MAGI3: variants seen among roughly 807,000 people sequenced by gnomAD.
MAGI3 encodes the protein membrane associated guanylate kinase, WW and PDZ domain containing 3.
MAGI3 carries 43 observed loss-of-function variants against 121.8 expected under a neutral mutation model. The ratio of observed to expected loss-of-function variants is 0.35; its 90% confidence interval spans 0.28 to 0.46. The LOEUF is 0.46. MAGI3 is among the 20% of genes least tolerant of loss of function. The pLI, the probability that MAGI3 is intolerant of heterozygous loss-of-function variation, is 1.00. For synonymous variants in MAGI3, 553 were observed against 639.3 expected (o/e 0.86, Z 2.04); for missense variants, 1,547 against 1,797.3 (o/e 0.86, Z 2.52).
intron 1 of MAGI3, among the ~76,000 whole-genome samples, chr1:113,392,149 C>A (rs1650859722): frequency 6.6e-6 from 1 of 152,216 alleles, no homozygotes; most frequent in South Asian, 2.1e-4. Context: ...AGTTTCAAAG[C>A]ATTGATCAGA....
intron 1 of MAGI3, among the ~76,000 whole-genome samples, chr1:113,447,821 C>T (rs993675827): frequency 2.6e-5 from 4 of 151,856 alleles, no homozygotes; most frequent in African/African-American, 4.8e-5. Flanking sequence ...CGCCACTGCA[C>T]TCCAGCCTGG....
chr1:113,681,670 C>T (rs1331689634), intron 20 of MAGI3, among the ~76,000 whole-genome samples: 1 of 152,134 alleles, frequency 6.6e-6, no homozygotes, highest in African/African-American at 2.4e-5. Flanking sequence ...TTCAAAATAT[C>T]CCAGCTTTTT....
intron 1 of MAGI3, among the ~76,000 whole-genome samples, chr1:113,453,407 TTTGAGA>T (rs1025220068): frequency 1.6e-4 from 25 of 152,168 alleles, no homozygotes; most frequent in Non-Finnish European, 3.5e-4. Context: ...TTTCTAACAT[TTTGAGA>T]TTTACCTTTC....
chr1:113,560,319 T>C (rs1028102571), intron 2 of MAGI3, among the ~76,000 whole-genome samples: 8 of 151,922 alleles, frequency 5.3e-5, no homozygotes, highest in Admixed American at 1.3e-4. Flanking sequence ...GAGGTTGCAG[T>C]GAGCTGAGAT....
At chr1:113,615,573 C>G (rs1221885089) in intron 7 of MAGI3, among the ~76,000 whole-genome samples, 1 of 152,202 alleles carries the variant, frequency 6.6e-6, no homozygotes, top group Admixed American at 6.5e-5. Flanking sequence ...GTAAGTATCT[C>G]TGACTCCTGT....
At chr1:113,655,631 C>T (rs1402069808) in intron 15 of MAGI3, among the ~76,000 whole-genome samples, 1 of 152,052 alleles carries the variant, frequency 6.6e-6, no homozygotes, top group Admixed American at 6.6e-5. Flanking sequence ...TATGGAGATA[C>T]TTCATCTCTT....
chr1:113,623,803 T>A (rs1318500555), intron 9 of MAGI3, among the ~76,000 whole-genome samples: 2 of 140,320 alleles, frequency 1.4e-5, no homozygotes, highest in Non-Finnish European at 3.3e-5. Flanking sequence ...TAGCTATATA[T>A]TTTTTATATT....
intron 1 of MAGI3, among the ~76,000 whole-genome samples, chr1:113,410,705 G>A (rs1306411307): frequency 1.3e-5 from 2 of 151,910 alleles, no homozygotes; most frequent in Non-Finnish European, 2.9e-5. Context: ...TTGCTGGATT[G>A]TTAACTATAC....
chr1:113,420,428 T>C (rs889050736), intron 1 of MAGI3, among the ~76,000 whole-genome samples: 2 of 152,342 alleles, frequency 1.3e-5, no homozygotes, highest in Non-Finnish European at 2.9e-5. Context: ...AAACAAGGGC[T>C]GTAGATTTAG....
At chr1:113,590,145 G>A (rs757204527) in intron 4 of MAGI3, among the ~76,000 whole-genome samples, 7 of 151,994 alleles carry the variant, frequency 4.6e-5, no homozygotes, top group Non-Finnish European at 7.4e-5. Flanking sequence ...TTAACATACA[G>A]AAAGCACTTA....
intron 5 of MAGI3, among the ~76,000 whole-genome samples, chr1:113,594,060 A>T (rs1342277267): frequency 6.6e-6 from 1 of 152,226 alleles, no homozygotes; most frequent in Admixed American, 6.5e-5. Context: ...TACGTATCAC[A>T]GGCACACAAG....
intron 9 of MAGI3, among the ~76,000 whole-genome samples, chr1:113,633,456 T>A (rs1570970280): frequency 6.6e-6 from 1 of 150,870 alleles, no homozygotes; most frequent in Non-Finnish European, 1.5e-5. Context: ...AGAGACGGGG[T>A]TTCACCGTTT....
intron 6 of MAGI3, among the ~76,000 whole-genome samples, chr1:113,612,925 C>G (rs1650245844): frequency 6.6e-6 from 1 of 152,120 alleles, no homozygotes; most frequent in Admixed American, 6.5e-5. Context: ...CCAAACTTCT[C>G]TAAAGACAAA....
chr1:113,641,964 G>A lies in MAGI3; in HGVS notation c.1414G>A (p.Asp472Asn). The stretch of plus-strand genomic sequence containing the variant: ...CTGTGTCCTCGGTCACACTCATGCA[G>A]ATGTTGTCCAGATGTTTCAATTGGT... ...GNCVLGHTHA[D>N]VVQMFQLVPV... The change falls in exon 10 of 21, where the codon GAT (aspartate) becomes AAT (asparagine). Residue 472 changes from aspartate to asparagine, a missense_variant. Coordinates refer to ENST00000307546, the MANE Select transcript of MAGI3 (RefSeq NM_001142782.2). 4 of 1,612,040 alleles carry A rather than the reference G, an allele frequency of 2.5e-6. No homozygotes were observed. Among genetic ancestry groups the A allele is most frequent in the Non-Finnish European group, 3.4e-6 (4 of 1,178,232 alleles).
rs554227400 is a variant in MAGI3 at position 113,535,034 on chromosome 1, A to G, written c.317-14481A>G. ...GTATTCATTTCAGTAACCAAATTACAGGCTTAAGTCAACCAGGACTGACTT... is the reference window on the plus strand; with the variant it reads ...GTATTCATTTCAGTAACCAAATTACGGGCTTAAGTCAACCAGGACTGACTT... On this transcript the variant is annotated intron_variant, in intron 1 of 20. Coordinates refer to ENST00000307546, the MANE Select transcript of MAGI3 (RefSeq NM_001142782.2). 3.3e-5 allele frequency among the ~76,000 whole-genome samples: 5 copies of G among 152,298 alleles called. No individual in the cohort carries two copies. In the South Asian group the frequency reaches 1.0e-3, roughly 32 times the overall value.
In MAGI3 at chr1:113,410,091, C is replaced by G. The variant is rs571111224; in HGVS notation, c.316+18742C>G. On this transcript the variant is annotated intron_variant, in intron 1 of 20. Coordinates refer to ENST00000307546, the MANE Select transcript of MAGI3 (RefSeq NM_001142782.2). ...TCTCTTGCCTGAAGATGGTCTTTCT[C>G]CATGTGTTGTTTTTCTCTGTGTTCT... 2.0e-5 allele frequency among the ~76,000 whole-genome samples: 3 copies of G among 152,218 alleles called. No individual in the cohort carries two copies. The East Asian group carries it at 5.8e-4, about 29-fold the overall frequency.
At chr1:113,609,350 A>G (rs1447346602) in intron 6 of MAGI3, among the ~76,000 whole-genome samples, 1 of 152,254 alleles carries the variant, frequency 6.6e-6, no homozygotes, top group Non-Finnish European at 1.5e-5. Flanking sequence ...AAGACCTTAC[A>G]GTTTCTAAAA....
At chr1:113,450,192 A>G (rs1023494855) in intron 1 of MAGI3, 97 of 1,559,740 alleles carry the variant, frequency 6.2e-5, no homozygotes, top group Non-Finnish European at 8.1e-5. Context: ...TTGTTCAGAA[A>G]TACCACACTA....
At position 113,561,138 on chromosome 1, in the gene MAGI3, A is replaced by G. The variant is rs556768402; in HGVS notation, c.433+11507A>G. On this transcript the variant is annotated intron_variant, in intron 2 of 20. Coordinates refer to ENST00000307546, the MANE Select transcript of MAGI3 (RefSeq NM_001142782.2). ...GGCAGTAATAAATAGCCTACCAACC[A>G]AAAAAAGCCCAGGACCAGATGGATT... Among the ~76,000 whole-genome samples the G allele has an allele frequency of 5.9e-5, 9 of 152,258 alleles. No homozygotes were observed. In the South Asian group the frequency reaches 1.9e-3, roughly 32 times the overall value.
Sources: gnomAD v4.1 joint callset for allele counts (sites outside exome capture counted in the v4.1 genomes callset) on GRCh38, gnomAD v4.1.1 for gene constraint, MANE v1.5 for transcripts, NCBI Gene and HGNC (gene_info 2026-07-23, HGNC 2026-07-21) for gene names.